ZNF385D: variants seen among roughly 807,000 people sequenced by gnomAD.
The protein encoded by ZNF385D is zinc finger protein 659.
A neutral mutation model predicts 35.8 loss-of-function variants in ZNF385D; 15 were observed. That is an observed-to-expected ratio of 0.42 (90% CI 0.28 to 0.64). The LOEUF is 0.64. Among genes scored for constraint, ZNF385D ranks in the 30% least tolerant of loss-of-function variants. ZNF385D has a pLI of 0.23. For synonymous variants in ZNF385D, 212 were observed against 186.8 expected, an observed-to-expected ratio of 1.13 and a Z score of -1.10; for missense variants, 474 against 494.6, an observed-to-expected ratio of 0.96 and a Z score of 0.39.
intron 3 of ZNF385D, among the ~76,000 whole-genome samples, chr3:21,922,323 C>T (rs569753861): frequency 6.6e-6 from 1 of 152,004 alleles, no homozygotes; most frequent in Admixed American, 6.5e-5. Flanking sequence ...AGAGCCGTAA[C>T]AGAAAAAGCA....
chr3:22,306,036 A>G (rs1703193224), intron 2 of ZNF385D, among the ~76,000 whole-genome samples: 2 of 152,182 alleles, frequency 1.3e-5, no homozygotes. Flanking sequence ...GCTGCCTACC[A>G]AAATTTGAAA....
Position 22,234,741 on chromosome 3 carries a change from T to C in ZNF385D, c.107-65706A>G, listed in dbSNP as rs142525799. On this transcript the variant is annotated intron_variant, in intron 2 of 5. Transcript: ENST00000494108. ...TTGTAGTGATTGGAATGTGTTTCCT[T>C]TTTTCAGACTTTATTCTCTGCGAAT... is the stretch of plus-strand genomic sequence containing the variant. Among the ~76,000 whole-genome samples the C allele has an allele frequency of 1.5e-3, 233 of 152,174 alleles. 1 individual carries two copies. The highest frequency in any genetic ancestry group is 5.2e-3 in the African/African-American group (218 of 41,556).
rs373105142 is a variant in ZNF385D, at chr3:21,684,365, CCTCTCTCTCTCT to C, written c.23-19349_23-19338del. Among the ~76,000 whole-genome samples, 26 of 73,378 alleles carry C rather than the reference CCTCTCTCTCTCT, an allele frequency of 3.5e-4. 1 individual carries two copies. The highest frequency in any genetic ancestry group is 1.8e-3 in the East Asian group (4 of 2,264). The allele number at this position is 73,378 out of a possible 152,430, so 48.1% of individuals were successfully genotyped here. ...AAAGCCATAAATGGTTAACTGTTCT[CCTCTCTCTCTCT>C]CTCTCTCTCTCTCTCTCTCTCTCTC... On this transcript the variant is annotated intron_variant, in intron 1 of 7. Transcript: ENST00000281523.
upstream of ZNF385D, among the ~76,000 whole-genome samples, chr3:21,753,536 T>C (rs943902501): frequency 1.3e-5 from 2 of 152,164 alleles, no homozygotes; most frequent in Admixed American, 6.5e-5. Flanking sequence ...GTAATATCTA[T>C]ACAATGTAAT....
intron 2 of ZNF385D, among the ~76,000 whole-genome samples, chr3:22,179,328 T>A (rs1013115019): frequency 6.6e-6 from 1 of 152,246 alleles, no homozygotes; most frequent in Non-Finnish European, 1.5e-5. Flanking sequence ...TTCCTAGGTA[T>A]TTTATTCTCT....
At chr3:21,853,574 T>TG (rs1319291461) in intron 3 of ZNF385D, among the ~76,000 whole-genome samples, 6 of 150,080 alleles carry the variant, frequency 4.0e-5, no homozygotes, top group African/African-American at 1.5e-4. Flanking sequence ...TACGTAATTG[T>TG]GGGGAAAAAA....
intron 3 of ZNF385D, among the ~76,000 whole-genome samples, chr3:22,123,354 G>C (rs1206455883): frequency 6.6e-6 from 1 of 152,100 alleles, no homozygotes; most frequent in African/African-American, 2.4e-5. Context: ...GTACATGGTA[G>C]ATGTATATAT....
intron 2 of ZNF385D, among the ~76,000 whole-genome samples, chr3:22,300,985 C>T (rs1168409446): frequency 2.0e-5 from 3 of 151,990 alleles, no homozygotes; most frequent in Non-Finnish European, 4.4e-5. Context: ...CATCTGTATT[C>T]CCATGTTCTT....
At chr3:22,257,483 C>T (rs1021234664) in intron 2 of ZNF385D, among the ~76,000 whole-genome samples, 7 of 151,694 alleles carry the variant, frequency 4.6e-5, no homozygotes, top group Admixed American at 4.6e-4. Context: ...TCTCTTATTC[C>T]TCCTCTACTC....
intron 3 of ZNF385D, among the ~76,000 whole-genome samples, chr3:22,034,390 A>C (rs1029387538): frequency 9.9e-5 from 15 of 152,214 alleles, no homozygotes; most frequent in African/African-American, 3.4e-4. Context: ...CCAGCCTCCA[A>C]AACTGTGAGA....
intron 3 of ZNF385D, among the ~76,000 whole-genome samples, chr3:21,525,468 A>T (rs1708164617): frequency 6.6e-6 from 1 of 152,014 alleles, no homozygotes; most frequent in African/African-American, 2.4e-5. Flanking sequence ...CGGGCAGATC[A>T]CCTGAGGTCA....
chr3:21,842,490 T>C (rs1695742220), intron 3 of ZNF385D, among the ~76,000 whole-genome samples: 2 of 152,018 alleles, frequency 1.3e-5, no homozygotes, highest in African/African-American at 4.8e-5. Context: ...TCATGAAAGA[T>C]GACTTCAAGC....
At chr3:21,754,833 T>A (rs1372890910), upstream of ZNF385D, among the ~76,000 whole-genome samples, 1 of 152,246 alleles carries the variant, frequency 6.6e-6, no homozygotes, top group African/African-American at 2.4e-5. Flanking sequence ...TACCTGCTAC[T>A]TGTCATTATA....
At chr3:21,425,803 G>A (rs1434544213) in intron 5 of ZNF385D, 133 bp from the exon 6 acceptor site, 6 of 728,272 alleles carry the variant, frequency 8.2e-6, no homozygotes, top group African/African-American at 3.6e-5. Context: ...AAAATCTGAT[G>A]CCTCATTTTA....
chr3:22,137,521 G>A (rs982034817), intron 3 of ZNF385D, among the ~76,000 whole-genome samples: 3 of 152,138 alleles, frequency 2.0e-5, no homozygotes, highest in Non-Finnish European at 2.9e-5. Context: ...TTCAACATGT[G>A]AAAATCAATA....
intron 2 of ZNF385D, among the ~76,000 whole-genome samples, chr3:22,329,076 C>CAA (rs776193960): frequency 0.25 from 18,991 of 74,640 alleles, 2,552 homozygotes; most frequent in Non-Finnish European, 0.32. Context: ...GACTCCGTCT[C>CAA]AAAAAAAAAA....
At chr3:21,849,115 G>C (rs950606019) in intron 3 of ZNF385D, among the ~76,000 whole-genome samples, 1 of 151,856 alleles carries the variant, frequency 6.6e-6, no homozygotes, top group African/African-American at 2.4e-5. Flanking sequence ...TTGGTACTTG[G>C]GTTATACACA....
In ZNF385D at chr3:21,424,050, T is replaced by C. The variant is rs1442390030; in HGVS notation, c.867A>G (p.Arg289=). The change falls in exon 7 of 8, where the codon AGA becomes AGG. Residue 289 remains arginine (R), a synonymous_variant. Coordinates refer to ENST00000281523, the MANE Select transcript of ZNF385D (RefSeq NM_024697.3). ...TCCCAGCAGCTCTGTCTTTGTGCCT[T>C]CTACTGCTAATGTGCTATTAAAAGT... ...ETQLKQHISS[R]RHKDRAAGKP... is the part of the protein sequence containing the mutation. 11 of 1,593,910 alleles carry C rather than the reference T, an allele frequency of 6.9e-6. No homozygotes were observed. Among genetic ancestry groups the C allele is most frequent in the Non-Finnish European group, 9.4e-6 (11 of 1,173,422 alleles).
At chr3:22,065,017 T>C (rs530624732) in intron 3 of ZNF385D, among the ~76,000 whole-genome samples, 1 of 152,228 alleles carries the variant, frequency 6.6e-6, no homozygotes, top group Non-Finnish European at 1.5e-5. Context: ...TTTAGAACTT[T>C]AGAAATACAA....
Sources: gnomAD v4.1 joint callset for allele counts (sites outside exome capture counted in the v4.1 genomes callset) on GRCh38, gnomAD v4.1.1 for gene constraint, MANE v1.5 for transcripts, NCBI Gene and HGNC (gene_info 2026-07-23, HGNC 2026-07-21) for gene names.